The following SYT1 variants were observed in gnomAD, a reference collection of about 807,000 sequenced individuals.
The protein encoded by SYT1 is synaptotagmin-1.
A neutral mutation model predicts 44.8 loss-of-function variants in SYT1; 8 were observed. The ratio of observed to expected loss-of-function variants is 0.18; its 90% confidence interval spans 0.10 to 0.32. The LOEUF (loss-of-function observed/expected upper bound fraction) is 0.32. Ranked by LOEUF, SYT1 falls within the 10% of genes least tolerant of loss-of-function variation. The probability of loss-of-function intolerance (pLI) is 1.00; values close to 1 mark genes in which losing one functional copy is unlikely to be tolerated. For missense variants in SYT1, 286 were observed against 509.3 expected (o/e 0.56, Z 4.22); for synonymous variants, 154 against 188.8 (o/e 0.82, Z 1.51).
rs762416907 is a variant in SYT1 at position 79,124,624 on chromosome 12, CATT to C, written c.-18+77265_-18+77267del. On this transcript the variant is annotated intron_variant, in intron 3 of 10. Transcript: ENST00000261205. ...TCACCATTATCATCATCACCATCGC[CATT>C]ATCATCATCCTCATCGTCATCATCA... 4.9e-4 allele frequency among the ~76,000 whole-genome samples: 74 copies of C among 152,154 alleles called. 2 individuals are homozygous for C. Among genetic ancestry groups the C allele is most frequent in the Non-Finnish European group, 9.9e-4 (67 of 67,990 alleles).
chr12:79,330,511 C>G (rs1473065647), intron 8 of SYT1, among the ~76,000 whole-genome samples: 1 of 152,146 alleles, frequency 6.6e-6, no homozygotes, highest in Non-Finnish European at 1.5e-5. Context: ...TTTCTGAGTT[C>G]TAATAACATT....
intron 1 of SYT1, among the ~76,000 whole-genome samples, chr12:78,971,183 G>C (rs554493398): frequency 1.3e-5 from 2 of 152,126 alleles, no homozygotes; most frequent in East Asian, 3.9e-4. Context: ...GATCATGTGA[G>C]TTAAAAATTT....
intron 3 of SYT1, among the ~76,000 whole-genome samples, chr12:79,137,378 G>A (rs941953811): frequency 1.3e-5 from 2 of 152,100 alleles, no homozygotes; most frequent in African/African-American, 4.8e-5. Context: ...TTACAGGCAT[G>A]AGCCACCCCA....
At chr12:79,338,430 A>G (rs767063179) in intron 8 of SYT1, among the ~76,000 whole-genome samples, 4 of 151,600 alleles carry the variant, frequency 2.6e-5, no homozygotes, top group Admixed American at 6.6e-5. Context: ...GACTACAGGC[A>G]TACACCACCA....
At chr12:78,973,477 A>G (rs993124450) in intron 1 of SYT1, among the ~76,000 whole-genome samples, 1 of 152,082 alleles carries the variant, frequency 6.6e-6, no homozygotes. Context: ...AAACTACCAT[A>G]TCATCCAGCA....
At chr12:79,196,031 T>A (rs1162791273) in intron 3 of SYT1, among the ~76,000 whole-genome samples, 1 of 152,192 alleles carries the variant, frequency 6.6e-6, no homozygotes, top group Non-Finnish European at 1.5e-5. Flanking sequence ...GTGTGCCAAG[T>A]GTTAGCTGAA....
rs1565882804 is a variant in SYT1, at chr12:79,267,706, T to C, written c.167-18081T>C. 6.6e-5 allele frequency among the ~76,000 whole-genome samples: 10 copies of C among 152,280 alleles called. No individual in the cohort carries two copies. In the South Asian group the frequency reaches 2.1e-3, roughly 32 times the overall value. On this transcript the variant is annotated intron_variant, in intron 4 of 10. Transcript: ENST00000261205. ...TCAGATGATTAGCCTGTGAATTGCC[T>C]TCACCTCTGCCAACTTACCTGGCAT...
rs746209046 is a variant in SYT1 at position 79,275,808 on chromosome 12, T to C, written c.167-9979T>C. Reference sequence around the variant, plus strand: ...CAACCCAGTGAAAAAATACTGAGGGTGTGGGGAGGGAAGTACACATGACTG... The same window carrying C: ...CAACCCAGTGAAAAAATACTGAGGGCGTGGGGAGGGAAGTACACATGACTG... On this transcript the variant is annotated intron_variant, in intron 4 of 10. Transcript: ENST00000261205. Among the ~76,000 whole-genome samples, 37 of 152,060 alleles carry C rather than the reference T, an allele frequency of 2.4e-4. 1 individual carries two copies. Among genetic ancestry groups the C allele is most frequent in the South Asian group, 4.1e-4 (2 of 4,826 alleles).
intron 2 of SYT1, among the ~76,000 whole-genome samples, chr12:79,026,668 T>A (rs1279168180): frequency 1.5e-4 from 1 of 6,510 alleles, no homozygotes; most frequent in Non-Finnish European, 3.5e-4. Context: ...ATATATATTT[T>A]ATATATATAT....
At chr12:79,309,765 C>A (rs1301844713) in intron 8 of SYT1, among the ~76,000 whole-genome samples, 1 of 152,186 alleles carries the variant, frequency 6.6e-6, no homozygotes, top group East Asian at 1.9e-4. Flanking sequence ...TTTTAATGTT[C>A]ATGGGTACAT....
intron 3 of SYT1, among the ~76,000 whole-genome samples, chr12:79,130,684 G>T (rs149176440): frequency 6.6e-6 from 1 of 152,040 alleles, no homozygotes; most frequent in Non-Finnish European, 1.5e-5. Context: ...ATAATTACCC[G>T]CATGGGATTT....
chr12:79,347,641 A>G (rs1203440465), intron 8 of SYT1, among the ~76,000 whole-genome samples: 4 of 152,162 alleles, frequency 2.6e-5, no homozygotes, highest in African/African-American at 9.7e-5. Flanking sequence ...GAAAAGACCA[A>G]CCTGACTTAT....
rs563522859 is a variant in SYT1 at position 78,868,485 on chromosome 12, T to G, written c.-217+3376T>G. Among the ~76,000 whole-genome samples, 154 of 152,002 alleles carry G rather than the reference T, an allele frequency of 1.0e-3. 1 individual carries two copies. Among genetic ancestry groups the G allele is most frequent in the Non-Finnish European group, 1.8e-3 (120 of 67,786 alleles). On this transcript the variant is annotated intron_variant, in intron 1 of 10. Coordinates refer to ENST00000261205, the MANE Select transcript of SYT1 (RefSeq NM_005639.3). ...GACGTGGCTGATTTTAGCTGAAATT[T>G]TTTCACTGAAATTGACCAAAGCCAT...
intron 9 of SYT1, among the ~76,000 whole-genome samples, chr12:79,367,850 G>GA (rs925617653): frequency 2.8e-4 from 41 of 148,490 alleles, no homozygotes; most frequent in African/African-American, 7.4e-4. Context: ...TAAGAAATGT[G>GA]AAAAAAAAAT....
chr12:78,974,871 T>A, intron 1 of SYT1, among the ~76,000 whole-genome samples: 1 of 152,068 alleles, frequency 6.6e-6, no homozygotes. Flanking sequence ...AAAGAGCAAC[T>A]AAAGAAATTA....
At chr12:79,205,680 A>G (rs1432990148) in intron 3 of SYT1, among the ~76,000 whole-genome samples, 1 of 152,156 alleles carries the variant, frequency 6.6e-6, no homozygotes, top group Non-Finnish European at 1.5e-5. Context: ...TCTCTTGGAT[A>G]TGTTTTGCCA....
intron 3 of SYT1, among the ~76,000 whole-genome samples, chr12:79,201,388 T>A (rs1336115655): frequency 6.6e-6 from 1 of 152,172 alleles, no homozygotes; most frequent in East Asian, 1.9e-4. Flanking sequence ...ACAGGCTTCA[T>A]CAAGAAATTG....
At chr12:78,921,346 A>C (rs1876988256) in intron 1 of SYT1, among the ~76,000 whole-genome samples, 1 of 151,934 alleles carries the variant, frequency 6.6e-6, no homozygotes, top group Non-Finnish European at 1.5e-5. Flanking sequence ...ACCGATACTC[A>C]AGTTTGTTGT....
chr12:79,041,167 A>G (rs1411858504), intron 2 of SYT1, among the ~76,000 whole-genome samples: 6 of 150,928 alleles, frequency 4.0e-5, no homozygotes, highest in African/African-American at 1.2e-4. Context: ...GAAGAAAGTC[A>G]TTGGTAGCTT....
Sources: allele counts gnomAD v4.1 joint callset (sites outside exome capture counted in the v4.1 genomes callset), GRCh38; gene constraint gnomAD v4.1.1; transcripts MANE v1.5; gene names NCBI Gene and HGNC (gene_info 2026-07-23, HGNC 2026-07-21).